Variants in CNTN5 observed in about 807,000 individuals in gnomAD.
The protein encoded by CNTN5 is contactin 5, also known as contactin-5.
In CNTN5, 77 loss-of-function variants were observed where a neutral mutation model predicts 129.1. That is an observed-to-expected ratio of 0.60 (90% CI 0.50 to 0.72). The LOEUF is 0.72. Ranked by LOEUF, CNTN5 falls within the 30% of genes least tolerant of loss-of-function variation. The pLI is 0.00. For synonymous variants in CNTN5, 509 were observed against 465.6 expected, an observed-to-expected ratio of 1.09 and a Z score of -1.20; for missense variants, 1,478 against 1,328.8, an observed-to-expected ratio of 1.11 and a Z score of -1.75.
chr11:99,455,023 A>C (rs1944446585), intron 2 of CNTN5, among the ~76,000 whole-genome samples: 1 of 152,126 alleles, frequency 6.6e-6, no homozygotes, highest in South Asian at 2.1e-4. Context: ...AAACCTTGGC[A>C]AGGGATGAGT....
At chr11:99,410,449 A>G (rs1256012215) in intron 2 of CNTN5, among the ~76,000 whole-genome samples, 1 of 152,172 alleles carries the variant, frequency 6.6e-6, no homozygotes, top group Non-Finnish European at 1.5e-5. Context: ...GCCATGAAAG[A>G]CTGTTCTAAA....
chr11:99,194,381 G>A (rs1326708541), intron 1 of CNTN5, among the ~76,000 whole-genome samples: 1 of 151,800 alleles, frequency 6.6e-6, no homozygotes, highest in Non-Finnish European at 1.5e-5. Context: ...CAAATTACCT[G>A]TAATAGGTTG....
intron 8 of CNTN5, among the ~76,000 whole-genome samples, chr11:99,997,945 A>T (rs1939568015): frequency 6.6e-6 from 1 of 152,212 alleles, no homozygotes; most frequent in African/African-American, 2.4e-5. Flanking sequence ...GCCTTTGACA[A>T]AATTCAACAA....
rs182224347 is a variant in CNTN5, at chr11:99,027,039, T to C, written c.-210+5769T>C. 2.5e-3 allele frequency among the ~76,000 whole-genome samples: 383 copies of C among 151,714 alleles called. 1 individual carries two copies. Among genetic ancestry groups the C allele is most frequent in the African/African-American group, 8.8e-3 (367 of 41,536 alleles). On this transcript the variant is annotated intron_variant, in intron 1 of 24. Coordinates refer to ENST00000524871, the MANE Select transcript of CNTN5 (RefSeq NM_014361.4). ...ACAACTACAGAACTTAATTGCTAGA[T>C]GTGAACTTTTTCACAATGAACTTGG... is the stretch of plus-strand genomic sequence containing the variant.
intron 20 of CNTN5, among the ~76,000 whole-genome samples, chr11:100,305,276 C>A (rs1951322844): frequency 6.6e-6 from 1 of 151,464 alleles, no homozygotes; most frequent in Non-Finnish European, 1.5e-5. Context: ...TCCATTACTC[C>A]AAAGCACATA....
intron 17 of CNTN5, among the ~76,000 whole-genome samples, chr11:100,258,802 A>G (rs1299297595): frequency 6.6e-6 from 1 of 152,218 alleles, no homozygotes; most frequent in African/African-American, 2.4e-5. Context: ...GAAGCACTCA[A>G]TATGGAAAGG....
At chr11:100,137,663 T>C (rs1946569767) in intron 13 of CNTN5, among the ~76,000 whole-genome samples, 1 of 152,110 alleles carries the variant, frequency 6.6e-6, no homozygotes, top group Admixed American at 6.6e-5. Context: ...TAGTCACTTA[T>C]TGAGAACTTG....
At chr11:100,312,424 T>G (rs1450593004) in intron 21 of CNTN5, among the ~76,000 whole-genome samples, 1 of 152,060 alleles carries the variant, frequency 6.6e-6, no homozygotes, top group African/African-American at 2.4e-5. Flanking sequence ...CATCTGGAAC[T>G]TACTGCTCTC....
intron 18 of CNTN5, among the ~76,000 whole-genome samples, chr11:100,295,627 T>A (rs897953702): frequency 6.6e-6 from 1 of 151,496 alleles, no homozygotes; most frequent in African/African-American, 2.4e-5. Context: ...AGATGTTGAC[T>A]AGAGAGCCTA....
At chr11:99,510,052 C>T (rs77446988) in intron 2 of CNTN5, among the ~76,000 whole-genome samples, 8,756 of 151,458 alleles carry the variant, frequency 0.058, 254 homozygotes, top group South Asian at 0.08. Context: ...TATTATGGGG[C>T]TTAAATTGCG....
rs540407746 is a variant in CNTN5 at position 100,006,952 on chromosome 11, T to C, written c.980+4816T>C. Among the ~76,000 whole-genome samples the C allele has an allele frequency of 4.1e-4, 62 of 152,258 alleles. No homozygotes were observed. In the South Asian group the frequency reaches 0.012, roughly 29 times the overall value. ...ATGGGCTACAAAATTGATTTTGTGTTAGCAGGCATGAAAATAACATTAATA... is the reference window on the plus strand; with the variant it reads ...ATGGGCTACAAAATTGATTTTGTGTCAGCAGGCATGAAAATAACATTAATA... On this transcript the variant is annotated intron_variant, in intron 9 of 24. Transcript: ENST00000524871.
intron 3 of CNTN5, among the ~76,000 whole-genome samples, chr11:99,665,910 C>T (rs1255470600): frequency 2.6e-5 from 4 of 152,006 alleles, no homozygotes; most frequent in Non-Finnish European, 5.9e-5. Context: ...GGAGTAAAAA[C>T]CTCACCTTAG....
chr11:99,373,912 A>G (rs1296923373), intron 2 of CNTN5, among the ~76,000 whole-genome samples: 2 of 152,174 alleles, frequency 1.3e-5, no homozygotes, highest in African/African-American at 4.8e-5. Flanking sequence ...AAGCCTCAGG[A>G]ATTTAACCAT....
intron 1 of CNTN5, among the ~76,000 whole-genome samples, chr11:99,140,044 A>T (rs1859436028): frequency 1.3e-5 from 2 of 152,194 alleles, no homozygotes; most frequent in African/African-American, 4.8e-5. Flanking sequence ...CTTAAACAAC[A>T]TTAATTTTGA....
chr11:99,225,452 A>ACCAATT (rs1202527662), intron 1 of CNTN5, among the ~76,000 whole-genome samples: 2 of 152,124 alleles, frequency 1.3e-5, no homozygotes, highest in African/African-American at 4.8e-5. Flanking sequence ...ACGCAGCAGA[A>ACCAATT]CCAATTCCCT....
intron 1 of CNTN5, among the ~76,000 whole-genome samples, chr11:99,044,184 G>A (rs1224045331): frequency 6.6e-6 from 1 of 152,110 alleles, no homozygotes; most frequent in Non-Finnish European, 1.5e-5. Flanking sequence ...TCTAACATTT[G>A]TGGGGTCTGG....
intron 1 of CNTN5, among the ~76,000 whole-genome samples, chr11:99,038,506 C>A (rs1863852090): frequency 6.6e-6 from 1 of 152,134 alleles, no homozygotes; most frequent in African/African-American, 2.4e-5. Context: ...TGGTGTATAA[C>A]AATGCTAGAA....
chr11:100,311,535 C>T (rs1398588028), intron 21 of CNTN5, among the ~76,000 whole-genome samples: 1 of 151,918 alleles, frequency 6.6e-6, no homozygotes, highest in African/African-American at 2.4e-5. Context: ...GCTAAGATCA[C>T]TGAATATTTG....
Position 99,938,520 on chromosome 11 carries a change from C to T in CNTN5, c.674-18286C>T, listed in dbSNP as rs115790236. On this transcript the variant is annotated intron_variant, in intron 7 of 24. Transcript: ENST00000524871. ...GCACATAATGGGAAGTACAAGAAGC[C>T]GGTAATAGTTCTGAATTATTTTAAG... Among the ~76,000 whole-genome samples, 490 of 151,946 alleles carry T rather than the reference C, an allele frequency of 3.2e-3. 1 individual carries two copies. The highest frequency in any genetic ancestry group is 0.011 in the African/African-American group (475 of 41,460).
Sources: allele counts gnomAD v4.1 joint callset (sites outside exome capture counted in the v4.1 genomes callset), GRCh38; gene constraint gnomAD v4.1.1; transcripts MANE v1.5; gene names NCBI Gene and HGNC (gene_info 2026-07-23, HGNC 2026-07-21).